CDH20: variants seen among roughly 807,000 people sequenced by gnomAD.
CDH20 encodes cadherin 20, also known as cadherin-20.
Under a neutral mutation model 74.2 loss-of-function variants are expected in CDH20, and 29 were observed. The ratio of observed to expected loss-of-function variants is 0.39; its 90% confidence interval spans 0.29 to 0.53. CDH20 has a LOEUF of 0.53. Ranked by LOEUF, CDH20 falls within the 20% of genes least tolerant of loss-of-function variation. CDH20 has a pLI of 0.69. For missense variants in CDH20, 988 were observed against 1,048.3 expected, an observed-to-expected ratio of 0.94 and a Z score of 0.79; for synonymous variants, 469 against 405.4, an observed-to-expected ratio of 1.16 and a Z score of -1.88.
intron 1 of CDH20, among the ~76,000 whole-genome samples, chr18:61,347,527 A>C (rs1210051480): frequency 7.3e-5 from 11 of 149,760 alleles, no homozygotes; most frequent in South Asian, 6.3e-4. Flanking sequence ...CTCAGGGAAA[A>C]AAACAAACAA....
chr18:61,512,280 C>A (rs1361870418), intron 6 of CDH20, among the ~76,000 whole-genome samples: 1 of 152,078 alleles, frequency 6.6e-6, no homozygotes, highest in Non-Finnish European at 1.5e-5. Flanking sequence ...TCAGGATGTT[C>A]TTTATTCTGA....
chr18:61,500,253 C>A, intron 3 of CDH20, 130 bp from the exon 4 acceptor site: 1 of 853,708 alleles, frequency 1.2e-6, no homozygotes, highest in African/African-American at 1.7e-5. Context: ...GTTATGGAAG[C>A]TTGACCTAGA....
intron 1 of CDH20, among the ~76,000 whole-genome samples, chr18:61,351,056 C>A (rs748101412): frequency 1.3e-5 from 2 of 152,168 alleles, no homozygotes; most frequent in Non-Finnish European, 2.9e-5. Flanking sequence ...TAAGTGAATT[C>A]TTGTAGTTTG....
chr18:61,490,898 A>G, intron 2 of CDH20, 99 bp downstream of exon 2: 1 of 1,319,266 alleles, frequency 7.6e-7, no homozygotes, highest in Non-Finnish European at 1.1e-6. Flanking sequence ...AGACCTGAGA[A>G]AAACTAGAAC....
intron 1 of CDH20, among the ~76,000 whole-genome samples, chr18:61,415,015 C>T (rs1213357886): frequency 5.3e-5 from 8 of 152,068 alleles, no homozygotes; most frequent in Admixed American, 4.6e-4. Flanking sequence ...AAAATATCAA[C>T]ATGTATACAA....
chr18:61,426,292 C>T (rs1451992801), intron 1 of CDH20, among the ~76,000 whole-genome samples: 1 of 151,886 alleles, frequency 6.6e-6, no homozygotes, highest in African/African-American at 2.4e-5. Context: ...TAAAACAGGG[C>T]CCAGTATACA....
intron 1 of CDH20, among the ~76,000 whole-genome samples, chr18:61,480,606 C>T (rs770728654): frequency 6.6e-6 from 1 of 152,142 alleles, no homozygotes; most frequent in African/African-American, 2.4e-5. Context: ...ATCTCAGTGA[C>T]CAGAGGGATG....
At chr18:61,540,723 C>T (rs1913005952) in intron 9 of CDH20, among the ~76,000 whole-genome samples, 1 of 152,186 alleles carries the variant, frequency 6.6e-6, no homozygotes, top group African/African-American at 2.4e-5. Context: ...ACTTCTCTCA[C>T]TCCCTGGGAG....
intron 1 of CDH20, among the ~76,000 whole-genome samples, chr18:61,452,030 G>A (rs1480680582): frequency 6.6e-6 from 1 of 151,998 alleles, no homozygotes; most frequent in Non-Finnish European, 1.5e-5. Flanking sequence ...AATACATTTA[G>A]TATCTGGAAG....
intron 1 of CDH20, among the ~76,000 whole-genome samples, chr18:61,336,779 G>C (rs111498966): frequency 3.3e-4 from 48 of 145,724 alleles, no homozygotes; most frequent in Non-Finnish European, 6.6e-4. Flanking sequence ...ACGGAAGGAA[G>C]AGCTGCAGTG....
intron 1 of CDH20, among the ~76,000 whole-genome samples, chr18:61,369,230 T>C (rs960691870): frequency 2.6e-4 from 40 of 152,260 alleles, no homozygotes; most frequent in African/African-American, 8.4e-4. Context: ...GCGTGATTTA[T>C]CCGAGGTCAA....
At chr18:61,553,983 G>T (rs962730522) in intron 11 of CDH20, among the ~76,000 whole-genome samples, 2 of 152,118 alleles carry the variant, frequency 1.3e-5, no homozygotes, top group African/African-American at 4.8e-5. Flanking sequence ...GAAATACAGG[G>T]CTTCATTGTC....
intron 11 of CDH20, among the ~76,000 whole-genome samples, chr18:61,553,315 T>C (rs1913499650): frequency 6.6e-6 from 1 of 151,976 alleles, no homozygotes; most frequent in Non-Finnish European, 1.5e-5. Flanking sequence ...ACACTCTTCC[T>C]GGAAAACGTT....
At chr18:61,464,328 G>T (rs1044131486) in intron 1 of CDH20, among the ~76,000 whole-genome samples, 8 of 150,418 alleles carry the variant, frequency 5.3e-5, no homozygotes, top group Admixed American at 3.3e-4. Flanking sequence ...AAAAAAAAAA[G>T]TTAACATATT....
chr18:61,512,801 A>G (rs955667339), intron 6 of CDH20, among the ~76,000 whole-genome samples: 4 of 151,998 alleles, frequency 2.6e-5, no homozygotes, highest in African/African-American at 4.8e-5. Flanking sequence ...GTTTCCATGT[A>G]GTTGAGCGGT....
intron 1 of CDH20, among the ~76,000 whole-genome samples, chr18:61,487,810 T>C (rs1455558787): frequency 6.6e-6 from 1 of 152,084 alleles, no homozygotes; most frequent in Non-Finnish European, 1.5e-5. Context: ...ATAGGGGGTT[T>C]TAATTGGGAG....
At chr18:61,509,031 G>T (rs1403297895) in intron 6 of CDH20, among the ~76,000 whole-genome samples, 1 of 152,130 alleles carries the variant, frequency 6.6e-6, no homozygotes, top group Non-Finnish European at 1.5e-5. Flanking sequence ...CTTTGAGGGC[G>T]TAAAGGCATA....
At chr18:61,398,054 G>A (rs1486405308) in intron 1 of CDH20, among the ~76,000 whole-genome samples, 2 of 152,120 alleles carry the variant, frequency 1.3e-5, no homozygotes, top group Non-Finnish European at 1.5e-5. Flanking sequence ...CAAGATCAAG[G>A]CTATTTGCTT....
chr18:61,373,779 G>A (rs747689860), intron 1 of CDH20, among the ~76,000 whole-genome samples: 21 of 152,092 alleles, frequency 1.4e-4, no homozygotes, highest in Non-Finnish European at 2.5e-4. Context: ...CACCAGATGT[G>A]GAGGAAGTTG....
Sources: allele counts gnomAD v4.1 joint callset (sites outside exome capture counted in the v4.1 genomes callset), GRCh38; gene constraint gnomAD v4.1.1; transcripts MANE v1.5; gene names NCBI Gene and HGNC (gene_info 2026-07-23, HGNC 2026-07-21).